Variants in SLC6A20 observed in about 807,000 individuals in gnomAD.
The protein encoded by SLC6A20 is solute carrier family 6 member 20.
Under a neutral mutation model 64.3 loss-of-function variants are expected in SLC6A20, and 73 were observed. The observed-to-expected ratio is 1.14, with a 90% CI of 0.94 to 1.38. The LOEUF (loss-of-function observed/expected upper bound fraction) is 1.38, where lower values mean the gene tolerates loss of function less well. SLC6A20 is among the 40% of genes most tolerant of loss of function. SLC6A20 has a pLI of 0.00. For missense variants in SLC6A20, 725 were observed against 772.8 expected, an observed-to-expected ratio of 0.94 and a Z score of 0.73; for synonymous variants, 347 against 329.6, an observed-to-expected ratio of 1.05 and a Z score of -0.57.
chr3:45,775,088 G>A lies in SLC6A20; in HGVS notation c.582+673C>T, dbSNP rs766929095. Among the ~76,000 whole-genome samples the A allele has an allele frequency of 1.1e-4, 17 of 152,284 alleles. 1 individual carries two copies. Among genetic ancestry groups the A allele is most frequent in the Admixed American group, 2.0e-4 (3 of 15,300 alleles). On this transcript the variant is annotated intron_variant, in intron 4 of 10. Coordinates refer to ENST00000358525, the MANE Select transcript of SLC6A20 (RefSeq NM_020208.4). The stretch of plus-strand genomic sequence containing the variant: ...GGAACACTGAAAGCAAACCTTCTAC[G>A]TGGAGCAGACTAGAGATGAAGGAAC...
chr3:45,791,104 A>T (rs1323717777), intron 1 of SLC6A20, among the ~76,000 whole-genome samples: 1 of 152,224 alleles, frequency 6.6e-6, no homozygotes, highest in African/African-American at 2.4e-5. Flanking sequence ...GCCTCTGAAC[A>T]GTGCTTTGTT....
intron 10 of SLC6A20, among the ~76,000 whole-genome samples, chr3:45,759,607 CG>C (rs1298041505): frequency 6.6e-6 from 1 of 152,176 alleles, no homozygotes; most frequent in Non-Finnish European, 1.5e-5. Flanking sequence ...TCTCAGCTTC[CG>C]GGGGACAGGT....
At chr3:45,772,248 G>C in intron 5 of SLC6A20, 1 of 425,424 alleles carries the variant, frequency 2.4e-6, no homozygotes, top group African/African-American at 2.1e-5. Context: ...AGCAGTTGGG[G>C]GACAGTGAGG....
In SLC6A20 at chr3:45,757,764, T is replaced by G. The variant is rs1699573335; in HGVS notation, c.*1214A>C. On this transcript the variant is annotated 3_prime_UTR_variant, in exon 11 of 11. Transcript: ENST00000358525. ...ATCATAGATATGGTGTGTCTTCAGT[T>G]ACAAGATGCTCTGTTTGAATTATAT... 6.6e-6 allele frequency: 1 copy of G among 152,548 alleles called. No homozygotes were observed. The highest frequency in any genetic ancestry group is 2.4e-5 in the African/African-American group (1 of 41,464). The allele number at this position is 152,548 out of a possible 1,614,324, so 9.4% of individuals were successfully genotyped here.
rs567601204 is a variant in SLC6A20, at chr3:45,766,704, A to G, written c.1099-963T>C. Among the ~76,000 whole-genome samples, 4 of 152,034 alleles carry G rather than the reference A, an allele frequency of 2.6e-5. No homozygotes were observed. In the East Asian group the frequency reaches 5.8e-4, roughly 22 times the overall value. Reference sequence around the variant, plus strand: ...ACTGTAGCCTTATAACAAGAGGAAGAGAGAGAGAGAGAACTCTCTATTATG... The same window carrying G: ...ACTGTAGCCTTATAACAAGAGGAAGGGAGAGAGAGAGAACTCTCTATTATG... On this transcript the variant is annotated intron_variant, in intron 7 of 10. Transcript: ENST00000358525.
chr3:45,774,864 GC>G (rs1699937469), intron 4 of SLC6A20, among the ~76,000 whole-genome samples: 1 of 152,200 alleles, frequency 6.6e-6, no homozygotes, highest in Admixed American at 6.5e-5. Context: ...CACTAGCTGT[GC>G]CCTTGGGCAG....
Position 45,779,999 on chromosome 3 carries a change from C to T in SLC6A20, c.354+10G>A. On this transcript the variant is annotated intron_variant, in intron 3 of 10. Coordinates refer to ENST00000358525, the MANE Select transcript of SLC6A20 (RefSeq NM_020208.4). Reference sequence around the variant, plus strand: ...CCTACTCCTGTTCTGGCACGGGCCCCCCGGCTCACCTGGAAGGAGTGGAAG... The same window carrying T: ...CCTACTCCTGTTCTGGCACGGGCCCTCCGGCTCACCTGGAAGGAGTGGAAG... 3 of 1,593,598 alleles carry T rather than the reference C, an allele frequency of 1.9e-6. No homozygotes were observed. The highest frequency in any genetic ancestry group is 2.6e-6 in the Non-Finnish European group (3 of 1,169,672).
In SLC6A20 at chr3:45,770,202, A is replaced by G. The variant is rs775285168; in HGVS notation, c.1098+7T>C. The stretch of plus-strand genomic sequence containing the variant: ...AGCCAGTCCTTGACCTTGCCTGGGC[A>G]TCTTACCGTGTCTAGCTCCGATTCC... On this transcript the variant is annotated splice_region_variant and intron_variant, in intron 7 of 10. Transcript: ENST00000358525. 4.2e-5 allele frequency: 67 copies of G among 1,614,084 alleles called. No individual in the cohort carries two copies. Among genetic ancestry groups the G allele is most frequent in the Non-Finnish European group, 5.0e-5 (59 of 1,180,018 alleles).
chr3:45,773,681 C>T (rs1699915785), intron 4 of SLC6A20, among the ~76,000 whole-genome samples: 1 of 126,460 alleles, frequency 7.9e-6, no homozygotes, highest in Admixed American at 9.0e-5. Context: ...TTCAGGTGGG[C>T]TTGAATTACA....
intron 4 of SLC6A20, 121 bp downstream of exon 4, chr3:45,775,640 G>C: frequency 2.2e-6 from 2 of 905,518 alleles, no homozygotes; most frequent in Non-Finnish European, 3.3e-6. Flanking sequence ...CATAGCTGCT[G>C]CCTTTCCACT....
intron 5 of SLC6A20, 35 bp downstream of exon 5, chr3:45,772,470 G>C (rs902194053): frequency 6.4e-7 from 1 of 1,569,472 alleles, no homozygotes; most frequent in Non-Finnish European, 8.7e-7. Flanking sequence ...GATAAGTGAG[G>C]GGTGCCCGTA....
intron 2 of SLC6A20, among the ~76,000 whole-genome samples, chr3:45,781,135 CG>C (rs1307330153): frequency 6.6e-6 from 1 of 151,492 alleles, no homozygotes; most frequent in Non-Finnish European, 1.5e-5. Flanking sequence ...GCAGGAGAAA[CG>C]GTTGAATCCG....
chr3:45,780,109 A>AT lies in SLC6A20; in HGVS notation c.263-10_263-9insA. The AT allele has an allele frequency of 6.3e-7, 1 of 1,581,336 alleles. No individual in the cohort carries two copies. The highest frequency in any genetic ancestry group is 8.6e-7 in the Non-Finnish European group (1 of 1,163,232). ...CACCACGCTGGCGACCCCTGCGAGG[A>AT]AGCAGAGGGCCGCGCTGAGGACTGA... On this transcript the variant is annotated splice_polypyrimidine_tract_variant and intron_variant, in intron 2 of 10. Coordinates refer to ENST00000358525, the MANE Select transcript of SLC6A20 (RefSeq NM_020208.4).
chr3:45,762,794 T>C, intron 9 of SLC6A20, 119 bp downstream of exon 9: 1 of 1,340,384 alleles, frequency 7.5e-7, no homozygotes, highest in Non-Finnish European at 1.0e-6. Flanking sequence ...CGTTGAGTCA[T>C]GATGCGAAGC....
intron 7 of SLC6A20, among the ~76,000 whole-genome samples, chr3:45,767,612 A>C (rs558997579): frequency 1.3e-5 from 2 of 152,322 alleles, no homozygotes; most frequent in South Asian, 2.1e-4. Context: ...AAAATGAGAG[A>C]ATCAGAGACA....
chr3:45,783,268 C>G (rs1700125622), intron 1 of SLC6A20, among the ~76,000 whole-genome samples: 1 of 152,206 alleles, frequency 6.6e-6, no homozygotes, highest in African/African-American at 2.4e-5. Flanking sequence ...GACTTCTGAT[C>G]AAATAAAACC....
At chr3:45,768,144 T>C (rs1699804452) in intron 7 of SLC6A20, among the ~76,000 whole-genome samples, 1 of 152,080 alleles carries the variant, frequency 6.6e-6, no homozygotes, top group Non-Finnish European at 1.5e-5. Flanking sequence ...AAACAATCAT[T>C]TAAAATGGGA....
At chr3:45,763,102 G>T in intron 8 of SLC6A20, 30 bp from the exon 9 acceptor site, 6 of 1,612,194 alleles carry the variant, frequency 3.7e-6, no homozygotes, top group Non-Finnish European at 5.1e-6. Flanking sequence ...CTGCTCACCT[G>T]CCCGAGACCC....
At position 45,758,514 on chromosome 3, in the gene SLC6A20, A is replaced by G. The variant is rs1007227945; in HGVS notation, c.*464T>C. On this transcript the variant is annotated 3_prime_UTR_variant, in exon 11 of 11. Coordinates refer to ENST00000358525, the MANE Select transcript of SLC6A20 (RefSeq NM_020208.4). ...CATATTCACTACAACTCAAAAAAGA[A>G]GAGAATTAATTTTGCACCACTGACA... The G allele has an allele frequency of 2.1e-5, 25 of 1,184,920 alleles. No homozygotes were observed. Among genetic ancestry groups the G allele is most frequent in the Non-Finnish European group, 2.6e-5 (24 of 939,434 alleles). The allele number at this position is 1,184,920 out of a possible 1,614,324, so 73.4% of individuals were successfully genotyped here.
Sources: gnomAD v4.1 joint callset for allele counts (sites outside exome capture counted in the v4.1 genomes callset) on GRCh38, gnomAD v4.1.1 for gene constraint, MANE v1.5 for transcripts, NCBI Gene and HGNC (gene_info 2026-07-23, HGNC 2026-07-21) for gene names.